Variants in GABRB3 observed in about 807,000 individuals in gnomAD.
The protein encoded by GABRB3 is gamma-aminobutyric acid type A receptor subunit beta3.
GABRB3 carries 14 observed loss-of-function variants against 52.1 expected under a neutral mutation model. The ratio of observed to expected loss-of-function variants is 0.27; its 90% CI spans 0.18 to 0.42. The LOEUF (loss-of-function observed/expected upper bound fraction) is 0.42. GABRB3 is among the 10% of genes least tolerant of loss of function. The pLI, the probability that GABRB3 is intolerant of heterozygous loss-of-function variation, is 1.00. For synonymous variants in GABRB3, 260 were observed against 232.3 expected (o/e 1.12, Z -1.08); for missense variants, 307 against 609.1 (o/e 0.50, Z 5.22).
chr15:26,739,359 GTTAAC>G (rs1228782523), intron 3 of GABRB3, among the ~76,000 whole-genome samples: 1 of 151,972 alleles, frequency 6.6e-6, no homozygotes, highest in Non-Finnish European at 1.5e-5. Context: ...AGAAGGAATA[GTTAAC>G]TTCCCTAAAA....
intron 3 of GABRB3, chr15:26,656,920 G>A (rs1486957917): frequency 6.6e-6 from 1 of 152,202 alleles, no homozygotes; most frequent in Non-Finnish European, 1.5e-5. Flanking sequence ...GTTTCAAATA[G>A]AGACTGAAAC....
intron 3 of GABRB3, among the ~76,000 whole-genome samples, chr15:26,629,824 T>C (rs1233338341): frequency 2.6e-5 from 4 of 152,146 alleles, no homozygotes; most frequent in African/African-American, 9.7e-5. Context: ...TGTAAATTAA[T>C]TAACTGACAC....
chr15:26,587,540 C>T (rs1268069415), intron 4 of GABRB3, among the ~76,000 whole-genome samples: 1 of 152,160 alleles, frequency 6.6e-6, no homozygotes, highest in African/African-American at 2.4e-5. Context: ...TCATCACAGG[C>T]TGGGAGAGTG....
intron 3 of GABRB3, among the ~76,000 whole-genome samples, chr15:26,660,974 G>A (rs1480261638): frequency 1.3e-5 from 2 of 152,036 alleles, no homozygotes; most frequent in Non-Finnish European, 1.5e-5. Context: ...GTAGAGGTGT[G>A]GGGGTCTCCT....
At chr15:26,550,234 G>C (rs1567092801) in intron 8 of GABRB3, 1 of 152,228 alleles carries the variant, frequency 6.6e-6, no homozygotes, top group Non-Finnish European at 1.5e-5. Flanking sequence ...TGGAAAGGCT[G>C]TAGGGAAAAC....
At chr15:26,668,167 C>T (rs1458023857) in intron 3 of GABRB3, among the ~76,000 whole-genome samples, 1 of 152,114 alleles carries the variant, frequency 6.6e-6, no homozygotes, top group Admixed American at 6.6e-5. Flanking sequence ...GGAACAGTAA[C>T]AGGACCTACC....
intron 3 of GABRB3, among the ~76,000 whole-genome samples, chr15:26,712,168 A>G (rs1405135880): frequency 8.7e-6 from 1 of 115,486 alleles, no homozygotes; most frequent in Middle Eastern, 3.9e-3. Flanking sequence ...ACATCAGTGG[A>G]CTTTTCTTTC....
intron 4 of GABRB3, among the ~76,000 whole-genome samples, chr15:26,610,314 AG>A (rs1326487584): frequency 2.0e-5 from 3 of 152,148 alleles, no homozygotes; most frequent in African/African-American, 7.2e-5. Flanking sequence ...AAGCACCCGG[AG>A]AAAGCCTTCT....
intron 6 of GABRB3, among the ~76,000 whole-genome samples, chr15:26,570,438 C>T (rs913421415): frequency 5.9e-5 from 9 of 152,192 alleles, no homozygotes; most frequent in South Asian, 2.1e-4. Context: ...GGGCCTTGCG[C>T]GACTTGGGCA....
intron 4 of GABRB3, among the ~76,000 whole-genome samples, chr15:26,593,981 AATATAT>A (rs61218096): frequency 3.0e-5 from 4 of 133,970 alleles, no homozygotes; most frequent in African/African-American, 8.0e-5. Flanking sequence ...CTCATTTTAA[AATATAT>A]ATATATATAT....
chr15:26,625,752 C>T (rs1013484441), intron 3 of GABRB3, among the ~76,000 whole-genome samples: 4 of 152,040 alleles, frequency 2.6e-5, no homozygotes, highest in African/African-American at 4.8e-5. Flanking sequence ...GGCCACTCTG[C>T]GGCAGGGTGG....
intron 8 of GABRB3, among the ~76,000 whole-genome samples, chr15:26,559,485 C>T (rs1007989393): frequency 1.4e-5 from 2 of 147,942 alleles, no homozygotes; most frequent in Non-Finnish European, 3.0e-5. Flanking sequence ...AATGGCCTAA[C>T]AGTAAGTTTA....
intron 3 of GABRB3, among the ~76,000 whole-genome samples, chr15:26,756,406 A>G (rs1890662327): frequency 1.2e-5 from 1 of 86,604 alleles, no homozygotes; most frequent in African/African-American, 4.1e-5. Flanking sequence ...CCTCTCTACT[A>G]AAAAAAAAAA....
chr15:26,750,224 TGAAG>T (rs1369822660), intron 3 of GABRB3: 1 of 152,172 alleles, frequency 6.6e-6, no homozygotes, highest in Admixed American at 6.5e-5. Flanking sequence ...AGAGGTTCAG[TGAAG>T]GAAGAAGTTA....
At chr15:26,595,771 G>C (rs1236382512) in intron 4 of GABRB3, among the ~76,000 whole-genome samples, 5 of 152,098 alleles carry the variant, frequency 3.3e-5, no homozygotes, top group African/African-American at 1.2e-4. Flanking sequence ...CTTGACTTTA[G>C]GTCAAAAGAG....
chr15:26,672,763 A>G (rs1712035722), intron 3 of GABRB3, among the ~76,000 whole-genome samples: 1 of 152,222 alleles, frequency 6.6e-6, no homozygotes, highest in South Asian at 2.1e-4. Flanking sequence ...CTGTGGGCTC[A>G]AACATCATGA....
intron 3 of GABRB3, among the ~76,000 whole-genome samples, chr15:26,735,189 A>G (rs1595558447): frequency 1.3e-5 from 2 of 152,232 alleles, no homozygotes; most frequent in Non-Finnish European, 2.9e-5. Context: ...CCACAATGAA[A>G]TACTACCTCA....
chr15:26,607,722 T>C (rs1375380578), intron 4 of GABRB3, among the ~76,000 whole-genome samples: 2 of 152,096 alleles, frequency 1.3e-5, no homozygotes, highest in Admixed American at 6.6e-5. Flanking sequence ...CAATCCCATT[T>C]ACAATAGTTT....
chr15:26,544,612 C>T lies in GABRB3; in HGVS notation c.*3181G>A, dbSNP rs1414287212. 3 of 152,156 alleles carry T rather than the reference C, an allele frequency of 2.0e-5. No individual in the cohort carries two copies. Among genetic ancestry groups the T allele is most frequent in the Admixed American group, 6.5e-5 (1 of 15,268 alleles). The allele number at this position is 152,156 out of a possible 1,614,324, so 9.4% of individuals were successfully genotyped here. ...CCGGGGTTGGTGAACAGGAATAACA[C>T]TTGTTTTAAGGACTACTCAAGTCTA... On this transcript the variant is annotated 3_prime_UTR_variant, in exon 9 of 9. Coordinates refer to ENST00000311550, the MANE Select transcript of GABRB3 (RefSeq NM_000814.6).
Sources: allele counts gnomAD v4.1 joint callset (sites outside exome capture counted in the v4.1 genomes callset), GRCh38; gene constraint gnomAD v4.1.1; transcripts MANE v1.5; gene names NCBI Gene and HGNC (gene_info 2026-07-23, HGNC 2026-07-21).